The following STXBP4 variants were observed in gnomAD, a reference collection of about 807,000 sequenced individuals.
The protein encoded by STXBP4 is syntaxin binding protein 4, also known as syntaxin-binding protein 4.
In STXBP4, 55 loss-of-function variants were observed where a neutral mutation model predicts 76.1. The ratio of observed to expected loss-of-function variants is 0.72; its 90% CI spans 0.58 to 0.91. The LOEUF (loss-of-function observed/expected upper bound fraction) is 0.91, where lower values mean the gene tolerates loss of function less well. Ranked by LOEUF, STXBP4 falls within the 40% of genes least tolerant of loss-of-function variation. The pLI is 0.00. For synonymous variants in STXBP4, 201 were observed against 220.2 expected, an observed-to-expected ratio of 0.91 and a Z score of 0.77; for missense variants, 618 against 636.9, an observed-to-expected ratio of 0.97 and a Z score of 0.32.
At chr17:55,124,398 A>G (rs1324471566) in intron 16 of STXBP4, among the ~76,000 whole-genome samples, 1 of 152,222 alleles carries the variant, frequency 6.6e-6, no homozygotes, top group African/African-American at 2.4e-5. Flanking sequence ...AGACTGTGAT[A>G]TTTATTAATA....
At chr17:55,154,243 C>A (rs1000127082) in intron 17 of STXBP4, among the ~76,000 whole-genome samples, 8 of 152,088 alleles carry the variant, frequency 5.3e-5, no homozygotes, top group African/African-American at 1.9e-4. Context: ...AAAACCCTGA[C>A]CCACAAAAGA....
At chr17:55,185,245 T>TCTTCTTCTC in the STXBP4 span, among the ~76,000 whole-genome samples, 4 of 57,964 alleles carry the variant, frequency 6.9e-5, no homozygotes, top group Non-Finnish European at 9.9e-5. Context: ...TTCTTCTTCT[T>TCTTCTTCTC]CTTCTCCTTC....
At chr17:55,097,911 AG>A (rs959382462) in intron 16 of STXBP4, among the ~76,000 whole-genome samples, 10 of 152,124 alleles carry the variant, frequency 6.6e-5, no homozygotes, top group Admixed American at 4.6e-4. Flanking sequence ...ACCAATCCAT[AG>A]GGTTGTCCTG....
intron 15 of STXBP4, 66 bp from the exon 16 acceptor site, chr17:55,080,984 A>G: frequency 4.6e-6 from 6 of 1,297,746 alleles, no homozygotes; most frequent in Non-Finnish European, 6.0e-6. Context: ...ATACAACTTC[A>G]GATTTAGTAA....
intron 16 of STXBP4, among the ~76,000 whole-genome samples, chr17:55,133,639 A>G (rs2079996074): frequency 6.6e-6 from 1 of 152,316 alleles, no homozygotes; most frequent in African/African-American, 2.4e-5. Flanking sequence ...GATACTAGCA[A>G]ATGAGCAGAG....
chr17:55,027,097 A>G (rs114774186), intron 8 of STXBP4, among the ~76,000 whole-genome samples: 1,681 of 151,910 alleles, frequency 0.011, 28 homozygotes, highest in African/African-American at 0.038. Flanking sequence ...GCTACTCCCT[A>G]CTCCCTGTGT....
chr17:55,210,672 G>T, the STXBP4 span, among the ~76,000 whole-genome samples: 24 of 152,272 alleles, frequency 1.6e-4, no homozygotes, highest in African/African-American at 5.5e-4. Flanking sequence ...CACAGATATT[G>T]TGTATACTAT....
At chr17:55,104,146 A>T (rs982662799) in intron 16 of STXBP4, among the ~76,000 whole-genome samples, 1 of 152,190 alleles carries the variant, frequency 6.6e-6, no homozygotes, top group Admixed American at 6.5e-5. Flanking sequence ...TTTCCTAGCC[A>T]GAATTTCCAA....
chr17:55,119,547 C>G (rs189260664), intron 16 of STXBP4, among the ~76,000 whole-genome samples: 2 of 151,974 alleles, frequency 1.3e-5, no homozygotes, highest in East Asian at 3.9e-4. Context: ...ATACAAGAAC[C>G]CTAGAACTAG....
At chr17:55,094,582 C>A (rs2079459377) in intron 16 of STXBP4, among the ~76,000 whole-genome samples, 1 of 152,120 alleles carries the variant, frequency 6.6e-6, no homozygotes. Flanking sequence ...TTTAAACTTT[C>A]CTATTCATGT....
intron 12 of STXBP4, among the ~76,000 whole-genome samples, chr17:55,051,142 TG>T (rs1836790707): frequency 2.0e-5 from 3 of 152,086 alleles, no homozygotes; most frequent in Non-Finnish European, 4.4e-5. Context: ...CAGGAAAGAG[TG>T]ACACTTCTCT....
At chr17:55,140,339 C>T (rs970255364) in intron 16 of STXBP4, among the ~76,000 whole-genome samples, 1 of 152,032 alleles carries the variant, frequency 6.6e-6, no homozygotes, top group South Asian at 2.1e-4. Flanking sequence ...AGTTACCATT[C>T]CTGCACTTTT....
intron 9 of STXBP4, among the ~76,000 whole-genome samples, chr17:55,031,588 A>G (rs1349831390): frequency 1.3e-5 from 2 of 152,176 alleles, no homozygotes; most frequent in Non-Finnish European, 2.9e-5. Flanking sequence ...TTCTAATTTC[A>G]CTACTGTGAG....
At chr17:55,078,267 G>A in intron 14 of STXBP4, 73 bp downstream of exon 14, 2 of 982,792 alleles carry the variant, frequency 2.0e-6, no homozygotes, top group Admixed American at 2.2e-5. Context: ...AAATGTTACT[G>A]TATTTGGTAC....
intron 12 of STXBP4, among the ~76,000 whole-genome samples, chr17:55,056,134 A>G (rs1004810037): frequency 1.3e-5 from 2 of 152,356 alleles, no homozygotes; most frequent in African/African-American, 2.4e-5. Context: ...ATATATTGCT[A>G]TATTTTCTAA....
intron 16 of STXBP4, among the ~76,000 whole-genome samples, chr17:55,089,834 T>C (rs1439394897): frequency 2.0e-5 from 3 of 152,164 alleles, no homozygotes; most frequent in African/African-American, 7.2e-5. Context: ...TATTGACTTC[T>C]TGTTAAATTG....
At chr17:55,087,681 T>C (rs2079355756) in intron 16 of STXBP4, among the ~76,000 whole-genome samples, 1 of 152,186 alleles carries the variant, frequency 6.6e-6, no homozygotes, top group Admixed American at 6.6e-5. Context: ...GTGTGATGTT[T>C]CCAGCTTTGT....
chr17:54,987,842 C>T (rs919298354), intron 3 of STXBP4, among the ~76,000 whole-genome samples: 3 of 152,064 alleles, frequency 2.0e-5, no homozygotes, highest in Admixed American at 2.0e-4. Context: ...GCCTCTTTTC[C>T]CATAGCTTTT....
intron 16 of STXBP4, among the ~76,000 whole-genome samples, chr17:55,134,597 G>GT (rs2080008590): frequency 1.3e-5 from 2 of 152,080 alleles, no homozygotes; most frequent in South Asian, 4.1e-4. Context: ...AGTCAGATGT[G>GT]TTATTCATCA....
Sources: gnomAD v4.1 joint callset for allele counts (sites outside exome capture counted in the v4.1 genomes callset) on GRCh38, gnomAD v4.1.1 for gene constraint, MANE v1.5 for transcripts, NCBI Gene and HGNC (gene_info 2026-07-23, HGNC 2026-07-21) for gene names.